Variants in SDK1 observed in about 807,000 individuals in gnomAD.
SDK1 encodes sidekick cell adhesion molecule 1, also known as protein sidekick-1.
SDK1 carries 157 observed loss-of-function variants against 245.5 expected under a neutral mutation model. The ratio of observed to expected loss-of-function variants is 0.64; its 90% confidence interval spans 0.56 to 0.73. The LOEUF (loss-of-function observed/expected upper bound fraction) is 0.73. SDK1 is among the 30% of genes least tolerant of loss of function. The pLI, the probability that SDK1 is intolerant of heterozygous loss-of-function variation, is 0.00. For missense variants in SDK1, 3,583 were observed against 3,002.3 expected (o/e 1.19, Z -4.52); for synonymous variants, 1,647 against 1,278.5 (o/e 1.29, Z -6.15).
intron 1 of SDK1, among the ~76,000 whole-genome samples, chr7:3,589,393 C>G (rs186988599): frequency 6.6e-6 from 1 of 152,332 alleles, no homozygotes; most frequent in East Asian, 1.9e-4. Context: ...GATGTCAGTG[C>G]ACAGACTCTT....
At chr7:4,251,228 C>T (rs1178405244) in intron 44 of SDK1, among the ~76,000 whole-genome samples, 1 of 152,188 alleles carries the variant, frequency 6.6e-6, no homozygotes, top group Non-Finnish European at 1.5e-5. Flanking sequence ...CTGGGATCCC[C>T]AAGAGCACTC....
At chr7:3,564,530 A>G (rs1036035172) in intron 1 of SDK1, among the ~76,000 whole-genome samples, 2 of 152,144 alleles carry the variant, frequency 1.3e-5, no homozygotes, top group African/African-American at 4.8e-5. Flanking sequence ...ATGACAAAAA[A>G]GGAAATAGCT....
intron 4 of SDK1, among the ~76,000 whole-genome samples, chr7:3,748,740 T>G (rs1218981773): frequency 2.0e-5 from 3 of 152,204 alleles, no homozygotes; most frequent in Non-Finnish European, 4.4e-5. Context: ...CCTGTTTCAT[T>G]TGACTGGGAA....
chr7:3,474,900 C>T (rs927618558), intron 1 of SDK1, among the ~76,000 whole-genome samples: 1 of 152,042 alleles, frequency 6.6e-6, no homozygotes, highest in Non-Finnish European at 1.5e-5. Flanking sequence ...TTATGTTGTC[C>T]AAGCTGGTAT....
intron 1 of SDK1, among the ~76,000 whole-genome samples, chr7:3,593,473 A>G (rs760571313): frequency 1.3e-5 from 2 of 152,166 alleles, no homozygotes; most frequent in African/African-American, 2.4e-5. Flanking sequence ...ATCTTTGTAT[A>G]CTTCTACTTG....
At chr7:4,256,270 A>T (rs897914040) in intron 44 of SDK1, among the ~76,000 whole-genome samples, 2 of 152,222 alleles carry the variant, frequency 1.3e-5, no homozygotes, top group Admixed American at 6.5e-5. Context: ...CAGTTAAATC[A>T]TTGTTCCGCT....
chr7:3,322,982 G>GT (rs1159008412), intron 1 of SDK1, among the ~76,000 whole-genome samples: 1 of 151,998 alleles, frequency 6.6e-6, no homozygotes, highest in Non-Finnish European at 1.5e-5. Context: ...GCTCATTTTT[G>GT]TTTTTGTTTT....
chr7:3,944,104 CAG>C (rs926218237), intron 5 of SDK1, among the ~76,000 whole-genome samples: 1 of 152,210 alleles, frequency 6.6e-6, no homozygotes, highest in Non-Finnish European at 1.5e-5. Context: ...TTTTGCTTAA[CAG>C]AGCACAACCA....
At chr7:3,674,923 A>G (rs773450087) in intron 4 of SDK1, among the ~76,000 whole-genome samples, 2 of 152,156 alleles carry the variant, frequency 1.3e-5, no homozygotes, top group Non-Finnish European at 2.9e-5. Context: ...AGTAGAGGGC[A>G]TTTGGTATCC....
chr7:3,706,558 C>T (rs1784895269), intron 4 of SDK1, among the ~76,000 whole-genome samples: 1 of 152,292 alleles, frequency 6.6e-6, no homozygotes, highest in South Asian at 2.1e-4. Context: ...CCCGCCACCA[C>T]ACCCGGCTAA....
rs139912944 is a variant in SDK1, at chr7:4,018,823, C to T, written c.2602+1471C>T. ...CATGAGCAAAATGCTGCATTAGGGG[C>T]GGAATCTGTGCGTGGGTGTGCAGGG... is the stretch of plus-strand genomic sequence containing the variant. On this transcript the variant is annotated intron_variant, in intron 17 of 44. Transcript: ENST00000404826. 1.6e-3 allele frequency among the ~76,000 whole-genome samples: 245 copies of T among 152,058 alleles called. 1 individual carries two copies. The highest frequency in any genetic ancestry group is 5.5e-3 in the African/African-American group (228 of 41,470).
chr7:4,006,676 C>G lies in SDK1; in HGVS notation c.2132-4290C>G, dbSNP rs937693345. Among the ~76,000 whole-genome samples the G allele has an allele frequency of 3.3e-5, 5 of 152,172 alleles. No individual in the cohort carries two copies. The South Asian group carries it at 8.3e-4, about 25-fold the overall frequency. On this transcript the variant is annotated intron_variant, in intron 14 of 44. Transcript: ENST00000404826. ...ATTAGTTTTCACTTTAATCTCTCTT[C>G]CAGCCAGACCTTTTATTTTCTAGTG...
chr7:3,383,720 T>C (rs1043735761), intron 1 of SDK1, among the ~76,000 whole-genome samples: 1 of 152,220 alleles, frequency 6.6e-6, no homozygotes, highest in Non-Finnish European at 1.5e-5. Flanking sequence ...CACAAATTAC[T>C]GTAGCCCTAA....
intron 5 of SDK1, among the ~76,000 whole-genome samples, chr7:3,850,412 C>A (rs1241545376): frequency 6.6e-6 from 1 of 152,188 alleles, no homozygotes; most frequent in African/African-American, 2.4e-5. Flanking sequence ...GTTGGTGGGA[C>A]TGTAAACTAG....
rs867008634 is a variant in SDK1 at position 4,227,226 on chromosome 7, G to T, written c.5827+5862G>T. The T allele has an allele frequency of 7.1e-5, 24 of 337,570 alleles. 1 individual carries two copies. The highest frequency in any genetic ancestry group is 1.1e-3 in the Middle Eastern group (1 of 914). The allele number at this position is 337,570 out of a possible 1,614,324, so 20.9% of individuals were successfully genotyped here. A position where few individuals can be genotyped will look rare whatever the true frequency, so the allele number is the denominator to read the frequency against. ...TCAGCAAGAGGGGGCTGTTGCCATG[G>T]CTCTGATGGTGCCCGGTCCCCTCAT... On this transcript the variant is annotated intron_variant, in intron 40 of 44. Coordinates refer to ENST00000404826, the MANE Select transcript of SDK1 (RefSeq NM_152744.4).
At chr7:3,906,235 G>GTTC (rs1424170791) in intron 5 of SDK1, among the ~76,000 whole-genome samples, 2 of 151,908 alleles carry the variant, frequency 1.3e-5, no homozygotes, top group African/African-American at 4.8e-5. Context: ...TTTTCATCGT[G>GTTC]TTCTATTATT....
Position 4,008,630 on chromosome 7 carries a change from C to T in SDK1, c.2132-2336C>T, listed in dbSNP as rs1785690418. Among the ~76,000 whole-genome samples, 3 of 152,200 alleles carry T rather than the reference C, an allele frequency of 2.0e-5. No individual in the cohort carries two copies. In the South Asian group the frequency reaches 6.2e-4, roughly 32 times the overall value. ...TGTAATGAACTAGAAAGTTAGTCCT[C>T]TTTCCAAATAAAGGAAGGAATGTGA... On this transcript the variant is annotated intron_variant, in intron 14 of 44. Transcript: ENST00000404826.
chr7:3,810,097 G>C (rs1437483254), intron 4 of SDK1, among the ~76,000 whole-genome samples: 5 of 152,230 alleles, frequency 3.3e-5, no homozygotes, highest in African/African-American at 1.2e-4. Context: ...TATAAACTGA[G>C]CTGATTTCAG....
intron 4 of SDK1, among the ~76,000 whole-genome samples, chr7:3,697,489 G>C (rs1188648228): frequency 6.6e-6 from 1 of 152,110 alleles, no homozygotes; most frequent in Non-Finnish European, 1.5e-5. Flanking sequence ...CCTTGAAAAA[G>C]GTTTCCTGTT....
Sources: allele counts gnomAD v4.1 joint callset (sites outside exome capture counted in the v4.1 genomes callset), GRCh38; gene constraint gnomAD v4.1.1; transcripts MANE v1.5; gene names NCBI Gene and HGNC (gene_info 2026-07-23, HGNC 2026-07-21).